The following DNMT1 variants were observed in gnomAD, a reference collection of about 807,000 sequenced individuals.
DNMT1 encodes the protein DNA (cytosine-5)-methyltransferase 1.
Under a neutral mutation model 205.3 loss-of-function variants are expected in DNMT1, and 24 were observed. That is an observed-to-expected ratio of 0.12 (90% confidence interval 0.08 to 0.16). The LOEUF is 0.16. DNMT1 is among the 10% of genes least tolerant of loss of function. The probability of loss-of-function intolerance (pLI) is 1.00; values close to 1 mark genes in which losing one functional copy is unlikely to be tolerated. For synonymous variants in DNMT1, 817 were observed against 839.8 expected (o/e 0.97, Z 0.47); for missense variants, 1,293 against 2,177.7 (o/e 0.59, Z 8.09).
intron 8 of DNMT1, among the ~76,000 whole-genome samples, chr19:10,173,522 T>C (rs1055186446): frequency 1.3e-5 from 2 of 151,394 alleles, no homozygotes; most frequent in African/African-American, 4.9e-5. Flanking sequence ...GATGGAGTCT[T>C]GCTCTGTCAC....
At position 10,154,027 on chromosome 19, in the gene DNMT1, A is replaced by G. The variant is rs957662810; in HGVS notation, c.2019+266T>C. On this transcript the variant is annotated intron_variant, in intron 22 of 40. Coordinates refer to ENST00000359526, the MANE Select transcript of DNMT1 (RefSeq NM_001130823.3). The surrounding 1 kb of genome is among the most constrained non-coding windows in gnomAD (Gnocchi z 6.3). ...CCTTCAGACTGTGAGATGCAGGCACAGCAGAGCCACCCAGAAGCCAGGCTC... is the reference window on the plus strand; with the variant it reads ...CCTTCAGACTGTGAGATGCAGGCACGGCAGAGCCACCCAGAAGCCAGGCTC... 4.6e-5 allele frequency among the ~76,000 whole-genome samples: 7 copies of G among 152,252 alleles called. No individual in the cohort carries two copies. The highest frequency in any genetic ancestry group is 1.7e-4 in the African/African-American group (7 of 41,472).
At chr19:10,166,495 T>C (rs2038695665) in intron 11 of DNMT1, 103 bp downstream of exon 11, 2 of 1,416,052 alleles carry the variant, frequency 1.4e-6, no homozygotes, top group East Asian at 2.3e-5. Flanking sequence ...CCTGGGTGGA[T>C]GGGGCTGGAC....
chr19:10,173,960 G>A (rs1599388204), intron 7 of DNMT1, 55 bp from the exon 8 acceptor site: 4 of 1,543,508 alleles, frequency 2.6e-6, no homozygotes, highest in Non-Finnish European at 9.0e-7. Flanking sequence ...TCAAGGGAAG[G>A]TCAACACCAA....
rs200238302 is a variant in DNMT1 at position 10,140,771 on chromosome 19, G to A, written c.3523+10C>T. On this transcript the variant is annotated intron_variant, in intron 32 of 40. Coordinates refer to ENST00000359526, the MANE Select transcript of DNMT1 (RefSeq NM_001130823.3). This position sits in a 1 kb window ranked among gnomAD's most constrained non-coding sequence, Gnocchi z 8.4. ...CCAGGTATTCAGAGATGGAGCCTAC[G>A]GGCGCTCACCTGCTTGGTGGAATCC... The A allele has an allele frequency of 2.0e-5, 32 of 1,614,010 alleles. No individual in the cohort carries two copies. Among genetic ancestry groups the A allele is most frequent in the East Asian group, 4.5e-5 (2 of 44,874 alleles).
Position 10,154,979 on chromosome 19 carries a change from T to C in DNMT1, c.1570A>G (p.Ile524Val). 6.2e-7 allele frequency: 1 copy of C among 1,614,212 alleles called. No homozygotes were observed. Among genetic ancestry groups the C allele is most frequent in the South Asian group, 1.1e-5 (1 of 91,086 alleles). Residue 524 changes from isoleucine (I) to valine (V), a missense_variant, in exon 20 of 41, where the codon ATC becomes GTC. By Grantham distance (29) the Ile-to-Val change is conservative (BLOSUM62 3). Around this residue, in one of 13 missense-constraint regions of DNMT1, gnomAD observed 120 missense variants for 315.9 expected, o/e 0.38. Transcript: ENST00000359526. The surrounding 1 kb of genome is among the most constrained non-coding windows in gnomAD (Gnocchi z 6.3). ...IFGLMQEKIY[I>V]SKIVVEFLQS... is the part of the protein sequence containing the mutation. ...AGGAACTCCACCACAATCTTGCTGA[T>C]GTAGATCTTCTCCTGCATCAGCCCA...
chr19:10,138,290 G>A lies in DNMT1; in HGVS notation c.4115+149C>T. On this transcript the variant is annotated intron_variant, in intron 35 of 40. Transcript: ENST00000359526. This position sits in a 1 kb window ranked among gnomAD's most constrained non-coding sequence, Gnocchi z 4.1. ...AGGGTCAGAACTGGAGACCACAGGT[G>A]GCAGAGTGCCATGTGGCAGAGCACC... 2 of 1,268,564 alleles carry A rather than the reference G, an allele frequency of 1.6e-6. No homozygotes were observed. The highest frequency in any genetic ancestry group is 2.2e-6 in the Non-Finnish European group (2 of 902,210). 78.6% of individuals were successfully genotyped at this position (1,268,564 alleles called of 1,614,324 possible).
At chr19:10,168,255 C>A in intron 10 of DNMT1, 75 bp downstream of exon 10, 1 of 1,567,070 alleles carries the variant, frequency 6.4e-7, no homozygotes, top group Non-Finnish European at 8.8e-7. Context: ...CACACCAACC[C>A]GTTATTTTAC....
At chr19:10,182,001 T>A in intron 2 of DNMT1, 40 bp downstream of exon 2, 1 of 1,580,910 alleles carries the variant, frequency 6.3e-7, no homozygotes, top group Non-Finnish European at 8.7e-7. Context: ...AGTGTGTCAG[T>A]CAGATTTGGT....
At chr19:10,178,368 C>T (rs988286136) in intron 5 of DNMT1, among the ~76,000 whole-genome samples, 1 of 151,576 alleles carries the variant, frequency 6.6e-6, no homozygotes, top group Non-Finnish European at 1.5e-5. Context: ...ACCACCTTGG[C>T]CAACATGGTG....
At chr19:10,136,056 C>A in intron 38 of DNMT1, 65 bp downstream of exon 38, 1 of 1,608,444 alleles carries the variant, frequency 6.2e-7, no homozygotes, top group Admixed American at 1.7e-5. Flanking sequence ...ACCCACACTT[C>A]CACCTAGTTA....
chr19:10,191,194 T>C (rs538125743), intron 1 of DNMT1, among the ~76,000 whole-genome samples: 2 of 151,818 alleles, frequency 1.3e-5, no homozygotes, highest in South Asian at 4.2e-4. Flanking sequence ...GACAGGAGAA[T>C]TGCTTAAACC....
At position 10,146,930 on chromosome 19, in the gene DNMT1, T is replaced by C. The variant is rs2038215803; in HGVS notation, c.2721-406A>G. On this transcript the variant is annotated intron_variant, in intron 27 of 40. Coordinates refer to ENST00000359526, the MANE Select transcript of DNMT1 (RefSeq NM_001130823.3). The surrounding 1 kb of genome is among the most constrained non-coding windows in gnomAD (Gnocchi z 4.4). ...GAAATTCAACATTATTCTTGACTAG[T>C]AAGCCCTTAAAGGAGACTTGAAGAT... is the stretch of plus-strand genomic sequence containing the variant. Among the ~76,000 whole-genome samples the C allele has an allele frequency of 1.3e-5, 2 of 152,208 alleles. No individual in the cohort carries two copies. Among genetic ancestry groups the C allele is most frequent in the African/African-American group, 2.4e-5 (1 of 41,450 alleles).
chr19:10,133,756 A>C lies in DNMT1; in HGVS notation c.4865-55T>G. On this transcript the variant is annotated intron_variant, in intron 40 of 40. Transcript: ENST00000359526. The surrounding 1 kb of genome is among the most constrained non-coding windows in gnomAD (Gnocchi z 4.1). ...TGGGGAACACGCCCGGTGTCACGCC[A>C]CTTGACAGGCGAGTAACAGACATGG... 1 of 1,541,808 alleles carries C rather than the reference A, an allele frequency of 6.5e-7. No homozygotes were observed. Among genetic ancestry groups the C allele is most frequent in the Non-Finnish European group, 8.8e-7 (1 of 1,134,850 alleles).
At chr19:10,180,671 T>C in intron 3 of DNMT1, 102 bp from the exon 4 acceptor site, 7 of 1,471,000 alleles carry the variant, frequency 4.8e-6, no homozygotes, top group Non-Finnish European at 6.7e-6. Context: ...ATCATCATCA[T>C]CATCAGGCAA....
intron 9 of DNMT1, among the ~76,000 whole-genome samples, chr19:10,172,502 C>G (rs2038843504): frequency 6.6e-6 from 1 of 151,452 alleles, no homozygotes; most frequent in Non-Finnish European, 1.5e-5. Flanking sequence ...GGCGAGGTGA[C>G]AAACTGAAGC....
chr19:10,184,876 T>C (rs1195977886), intron 1 of DNMT1, among the ~76,000 whole-genome samples: 1 of 152,160 alleles, frequency 6.6e-6, no homozygotes, highest in African/African-American at 2.4e-5. Flanking sequence ...CAGTTATCAT[T>C]TGCCTGAAGG....
At position 10,151,272 on chromosome 19, in the gene DNMT1, G is replaced by T; in HGVS notation, c.2265+126C>A. 7.1e-7 allele frequency: 1 copy of T among 1,402,300 alleles called. No homozygotes were observed. The highest frequency in any genetic ancestry group is 1.0e-6 in the Non-Finnish European group (1 of 1,004,732). The allele number at this position is 1,402,300 out of a possible 1,614,324, so 86.9% of individuals were successfully genotyped here. On this transcript the variant is annotated intron_variant, in intron 24 of 40. Coordinates refer to ENST00000359526, the MANE Select transcript of DNMT1 (RefSeq NM_001130823.3). The surrounding 1 kb of genome is among the most constrained non-coding windows in gnomAD (Gnocchi z 5.0). ...TTGGCCAGTCCCGCTCTTCTCAGGG[G>T]CAAACAGACAGGTTTCTTAGTGCCG...
intron 13 of DNMT1, among the ~76,000 whole-genome samples, chr19:10,162,363 A>G (rs903737742): frequency 3.3e-5 from 5 of 151,678 alleles, no homozygotes; most frequent in Non-Finnish European, 7.4e-5. Context: ...TCCACCTCCC[A>G]GGCTCAAGCG....
At chr19:10,143,640 C>T (rs895385006) in intron 29 of DNMT1, 126 bp downstream of exon 29, 1 of 1,100,146 alleles carries the variant, frequency 9.1e-7, no homozygotes, top group Non-Finnish European at 1.4e-6. Flanking sequence ...ATCAGAAACA[C>T]TTGGAAAAAC....
Sources: allele counts gnomAD v4.1 joint callset (sites outside exome capture counted in the v4.1 genomes callset), GRCh38; gene constraint gnomAD v4.1.1; regional missense constraint gnomAD v4.1.1; non-coding constraint Gnocchi (gnomAD v3.1); transcripts MANE v1.5; gene names NCBI Gene and HGNC (gene_info 2026-07-23, HGNC 2026-07-21).